The following DNAJC24 variants were observed in gnomAD, a reference collection of about 807,000 sequenced individuals.
DNAJC24 encodes the protein dnaJ homolog subfamily C member 24.
A neutral mutation model predicts 18.0 loss-of-function variants in DNAJC24; 17 were observed. That is an observed-to-expected ratio of 0.94 (90% CI 0.65 to 1.42). The LOEUF (loss-of-function observed/expected upper bound fraction) is 1.42. Ranked by LOEUF, DNAJC24 falls within the 40% of genes most tolerant of loss-of-function variation. The pLI, the probability that DNAJC24 is intolerant of heterozygous loss-of-function variation, is 0.00. For synonymous variants in DNAJC24, 55 were observed against 57.7 expected (o/e 0.95, Z 0.21); for missense variants, 158 against 175.6 (o/e 0.90, Z 0.57).
chr11:31,378,306 GTAT>G (rs1280797881), intron 2 of DNAJC24, among the ~76,000 whole-genome samples: 2 of 152,028 alleles, frequency 1.3e-5, no homozygotes, highest in African/African-American at 2.4e-5. Context: ...TGTCATCTAG[GTAT>G]TATTAATATA....
intron 3 of DNAJC24, 63 bp downstream of exon 3, chr11:31,415,012 A>G (rs1345838485): frequency 5.8e-6 from 9 of 1,545,046 alleles, no homozygotes; most frequent in Non-Finnish European, 7.8e-6. Flanking sequence ...CTCTGCAGCC[A>G]TTCCTGGGGA....
rs118098247 is a variant in DNAJC24, at chr11:31,381,314, T to A, written c.111+10455T>A. On this transcript the variant is annotated intron_variant, in intron 2 of 4. Transcript: ENST00000465995. ...ATTATAATAATTTGTATTACATATC[T>A]GTGCTTGAATTATTTTCTGTGTCAC... Among the ~76,000 whole-genome samples the A allele has an allele frequency of 4.8e-3, 729 of 152,290 alleles. 5 individuals are homozygous for A. Among genetic ancestry groups the A allele is most frequent in the South Asian group, 0.014 (70 of 4,828 alleles).
At chr11:31,382,657 T>C in intron 2 of DNAJC24, among the ~76,000 whole-genome samples, 1 of 152,196 alleles carries the variant, frequency 6.6e-6, no homozygotes. Flanking sequence ...GCCAAAGTGT[T>C]TTCCCTACTC....
intron 2 of DNAJC24, among the ~76,000 whole-genome samples, chr11:31,412,446 T>C (rs1053860442): frequency 6.6e-6 from 1 of 152,230 alleles, no homozygotes; most frequent in East Asian, 1.9e-4. Context: ...TTACATATAA[T>C]AACATTTACT....
At chr11:31,399,921 C>T (rs1201208858) in intron 2 of DNAJC24, among the ~76,000 whole-genome samples, 1 of 151,946 alleles carries the variant, frequency 6.6e-6, no homozygotes, top group African/African-American at 2.4e-5. Flanking sequence ...TGTCCTCCAC[C>T]TCTCAACAGG....
chr11:31,371,185 G>C (rs1239730604), intron 2 of DNAJC24, among the ~76,000 whole-genome samples: 2 of 152,130 alleles, frequency 1.3e-5, no homozygotes, highest in Non-Finnish European at 2.9e-5. Flanking sequence ...TAGAAGTGTT[G>C]TTACATAATA....
intron 3 of DNAJC24, among the ~76,000 whole-genome samples, chr11:31,419,263 G>A (rs990173134): frequency 1.3e-5 from 2 of 152,006 alleles, no homozygotes; most frequent in East Asian, 1.9e-4. Flanking sequence ...GATAAGCATC[G>A]GGGGGTATGT....
At chr11:31,415,318 T>C (rs12285198) in intron 3 of DNAJC24, 13,520 of 157,846 alleles carry the variant, frequency 0.086, 1,643 homozygotes, top group African/African-American at 0.27. Context: ...TAAATGACAA[T>C]CCAAATGAAG....
chr11:31,413,394 A>ACG (rs1299876114), intron 2 of DNAJC24, among the ~76,000 whole-genome samples: 30 of 141,090 alleles, frequency 2.1e-4, no homozygotes, highest in African/African-American at 7.5e-4. Flanking sequence ...GCAGTGGTGC[A>ACG]ATCTCAGCTC....
intron 2 of DNAJC24, among the ~76,000 whole-genome samples, chr11:31,393,333 G>A (rs1312190039): frequency 6.6e-6 from 1 of 152,154 alleles, no homozygotes; most frequent in African/African-American, 2.4e-5. Context: ...CTTAGCTAAG[G>A]ACGTGGGGTA....
chr11:31,426,498 G>C, intron 4 of DNAJC24, 143 bp downstream of exon 4: 1 of 503,338 alleles, frequency 2.0e-6, no homozygotes, highest in Non-Finnish European at 3.4e-6. Flanking sequence ...TTTCTGTCTG[G>C]AGTATTTCTG....
intron 2 of DNAJC24, among the ~76,000 whole-genome samples, chr11:31,384,055 G>A (rs1203458515): frequency 6.6e-6 from 1 of 152,050 alleles, no homozygotes; most frequent in East Asian, 1.9e-4. Flanking sequence ...TTACTATCTT[G>A]TCAACTCTTT....
intron 2 of DNAJC24, among the ~76,000 whole-genome samples, chr11:31,389,390 GA>G (rs1430875749): frequency 1.1e-4 from 17 of 151,914 alleles, no homozygotes; most frequent in African/African-American, 3.6e-4. Flanking sequence ...TAGATTTCAA[GA>G]AAAAAACTAT....
chr11:31,401,984 G>A (rs530213815), intron 2 of DNAJC24, among the ~76,000 whole-genome samples: 1 of 152,252 alleles, frequency 6.6e-6, no homozygotes, highest in African/African-American at 2.4e-5. Flanking sequence ...AAGCATATTG[G>A]TTTTGACTAG....
chr11:31,377,493 T>C (rs1276490342), intron 2 of DNAJC24, among the ~76,000 whole-genome samples: 1 of 152,092 alleles, frequency 6.6e-6, no homozygotes, highest in Non-Finnish European at 1.5e-5. Context: ...ATAAAAGTAA[T>C]TGAACCAACA....
chr11:31,388,257 C>G (rs1952450656), intron 2 of DNAJC24, among the ~76,000 whole-genome samples: 1 of 151,942 alleles, frequency 6.6e-6, no homozygotes. Context: ...TATTCAAGTA[C>G]AAGAAGGTTA....
At chr11:31,397,949 C>T (rs1965232) in intron 2 of DNAJC24, among the ~76,000 whole-genome samples, 58,665 of 151,602 alleles carry the variant, frequency 0.39, 11,760 homozygotes, top group African/African-American at 0.47. Context: ...ATTACAGGAG[C>T]GTGCCACCAT....
intron 2 of DNAJC24, among the ~76,000 whole-genome samples, chr11:31,403,895 T>C (rs1334252721): frequency 6.6e-6 from 1 of 152,216 alleles, no homozygotes; most frequent in Admixed American, 6.5e-5. Context: ...AAGTAGAGGA[T>C]TAAAAGAGTG....
At chr11:31,421,994 T>C (rs1591921681) in intron 3 of DNAJC24, 2 of 441,808 alleles carry the variant, frequency 4.5e-6, no homozygotes, top group Middle Eastern at 6.6e-4. Flanking sequence ...CTCTGATGAG[T>C]CCTGCCAGTG....
Sources: gnomAD v4.1 joint callset for allele counts (sites outside exome capture counted in the v4.1 genomes callset) on GRCh38, gnomAD v4.1.1 for gene constraint, MANE v1.5 for transcripts, NCBI Gene and HGNC (gene_info 2026-07-23, HGNC 2026-07-21) for gene names.